Variants in PTPRD observed in about 807,000 individuals in gnomAD.
PTPRD encodes the protein protein tyrosine phosphatase receptor type D, also known as receptor-type tyrosine-protein phosphatase delta.
PTPRD carries 34 observed loss-of-function variants against 214.5 expected under a neutral mutation model. That is an observed-to-expected ratio of 0.16 (90% confidence interval 0.12 to 0.21). The LOEUF is 0.21. PTPRD is among the 10% of genes least tolerant of loss of function. The pLI is 1.00. For synonymous variants in PTPRD, 1,128 were observed against 845.7 expected, an observed-to-expected ratio of 1.33 and a Z score of -5.79; for missense variants, 2,545 against 2,398.7, an observed-to-expected ratio of 1.06 and a Z score of -1.27.
intron 7 of PTPRD, among the ~76,000 whole-genome samples, chr9:9,708,009 C>T (rs2097657503): frequency 6.6e-6 from 1 of 151,850 alleles, no homozygotes; most frequent in Admixed American, 6.6e-5. Flanking sequence ...GAGATAAAAA[C>T]ATAGGATCAA....
intron 2 of PTPRD, among the ~76,000 whole-genome samples, chr9:10,530,713 G>GA (rs1370492224): frequency 1.3e-5 from 2 of 151,988 alleles, no homozygotes; most frequent in Non-Finnish European, 2.9e-5. Flanking sequence ...CTTAATTTAG[G>GA]AAATCTGACA....
intron 8 of PTPRD, among the ~76,000 whole-genome samples, chr9:9,478,977 C>A (rs2095260186): frequency 6.6e-6 from 1 of 152,100 alleles, no homozygotes; most frequent in South Asian, 2.1e-4. Context: ...ATAATTACAT[C>A]ATAACACATA....
At chr9:10,114,860 T>A (rs1421636678) in intron 3 of PTPRD, among the ~76,000 whole-genome samples, 1 of 152,058 alleles carries the variant, frequency 6.6e-6, no homozygotes, top group Non-Finnish European at 1.5e-5. Context: ...TCTCAAGTTC[T>A]ACTTTAGAAT....
chr9:10,060,457 A>G (rs1316164853), intron 3 of PTPRD, among the ~76,000 whole-genome samples: 3 of 152,068 alleles, frequency 2.0e-5, no homozygotes, highest in African/African-American at 4.8e-5. Flanking sequence ...AGGTCAGCTC[A>G]TGTGTGTAAA....
At chr9:10,112,313 T>C (rs2098697881) in intron 3 of PTPRD, among the ~76,000 whole-genome samples, 1 of 152,208 alleles carries the variant, frequency 6.6e-6, no homozygotes, top group South Asian at 2.1e-4. Context: ...ATCTTATCCA[T>C]GGAGTTAATA....
chr9:9,704,569 GAAC>G (rs1250109619), intron 7 of PTPRD, among the ~76,000 whole-genome samples: 6 of 152,084 alleles, frequency 3.9e-5, no homozygotes, highest in Non-Finnish European at 8.8e-5. Flanking sequence ...AGACTTATGT[GAAC>G]AACAACAACA....
intron 10 of PTPRD, among the ~76,000 whole-genome samples, chr9:9,153,801 T>C (rs1180893803): frequency 6.6e-6 from 1 of 152,122 alleles, no homozygotes; most frequent in East Asian, 1.9e-4. Flanking sequence ...CCAATAAAAT[T>C]TGGGGTAGAG....
At chr9:10,032,504 T>C (rs1301250176) in intron 4 of PTPRD, among the ~76,000 whole-genome samples, 1 of 152,142 alleles carries the variant, frequency 6.6e-6, no homozygotes, top group Non-Finnish European at 1.5e-5. Context: ...AGAACAGTAA[T>C]ATTCAGATGA....
At chr9:8,442,360 G>C (rs1242635041) in intron 34 of PTPRD, among the ~76,000 whole-genome samples, 2 of 152,012 alleles carry the variant, frequency 1.3e-5, no homozygotes, top group Non-Finnish European at 2.9e-5. Context: ...TTTAAACCTT[G>C]CATTAAATGC....
At chr9:8,373,905 TCTATCTATCTACCTACCTAC>T (rs1402651680) in intron 39 of PTPRD, among the ~76,000 whole-genome samples, 6,165 of 81,188 alleles carry the variant, frequency 0.076, 512 homozygotes, top group African/African-American at 0.27. Flanking sequence ...TATCTATCTA[TCTATCTATCTACCTACCTAC>T]CTATCTCAGT....
chr9:9,101,689 T>C (rs1462661334), intron 10 of PTPRD, among the ~76,000 whole-genome samples: 1 of 152,222 alleles, frequency 6.6e-6, no homozygotes, highest in Non-Finnish European at 1.5e-5. Context: ...ACTTGAGACA[T>C]GATGTGTGCC....
intron 3 of PTPRD, among the ~76,000 whole-genome samples, chr9:10,334,080 T>C (rs1249185128): frequency 6.6e-6 from 1 of 151,740 alleles, no homozygotes; most frequent in Non-Finnish European, 1.5e-5. Flanking sequence ...TAAAATATTA[T>C]GATATCAATG....
rs965111236 is a variant in PTPRD, at chr9:9,484,524, G to C, written c.-236-87042C>G. ...CAGTCAAATTGCATTCAAGATTCAT[G>C]TTTGTTGCTGAATGTAAATCATACT... On this transcript the variant is annotated intron_variant, in intron 8 of 45. Coordinates refer to ENST00000381196, the MANE Select transcript of PTPRD (RefSeq NM_002839.4). 2.0e-5 allele frequency among the ~76,000 whole-genome samples: 3 copies of C among 152,138 alleles called. No individual in the cohort carries two copies. In the South Asian group the frequency reaches 6.2e-4, roughly 32 times the overall value.
At chr9:10,087,878 T>C (rs2098374068) in intron 3 of PTPRD, among the ~76,000 whole-genome samples, 1 of 151,736 alleles carries the variant, frequency 6.6e-6, no homozygotes, top group Non-Finnish European at 1.5e-5. Flanking sequence ...TTTATATGAT[T>C]CAATGTAATA....
At chr9:8,870,267 A>C (rs566181262) in intron 11 of PTPRD, among the ~76,000 whole-genome samples, 98 of 152,268 alleles carry the variant, frequency 6.4e-4, no homozygotes, top group African/African-American at 2.3e-3. Flanking sequence ...ACAGTCAAAC[A>C]GACCCCTCAA....
At chr9:9,742,182 T>C (rs922289188) in intron 6 of PTPRD, among the ~76,000 whole-genome samples, 3 of 152,226 alleles carry the variant, frequency 2.0e-5, no homozygotes, top group African/African-American at 4.8e-5. Context: ...CATACATTTG[T>C]TGGCTGCATA....
At chr9:10,132,183 A>G (rs2098896234) in intron 3 of PTPRD, among the ~76,000 whole-genome samples, 1 of 151,460 alleles carries the variant, frequency 6.6e-6, no homozygotes. Flanking sequence ...TTATGAAGTT[A>G]AAAAAAAACT....
intron 3 of PTPRD, among the ~76,000 whole-genome samples, chr9:10,045,993 A>G (rs911740962): frequency 2.0e-5 from 3 of 151,806 alleles, no homozygotes; most frequent in Non-Finnish European, 3.0e-5. Flanking sequence ...TAAATCCAAG[A>G]AAGATGGCAT....
chr9:9,736,493 G>A (rs1237367992), intron 6 of PTPRD, among the ~76,000 whole-genome samples: 1 of 151,996 alleles, frequency 6.6e-6, no homozygotes, highest in East Asian at 1.9e-4. Context: ...CCTACCATAA[G>A]CATCCTTTGT....
Sources: gnomAD v4.1 joint callset for allele counts (sites outside exome capture counted in the v4.1 genomes callset) on GRCh38, gnomAD v4.1.1 for gene constraint, MANE v1.5 for transcripts, NCBI Gene and HGNC (gene_info 2026-07-23, HGNC 2026-07-21) for gene names.